The following NRAS variants were observed in gnomAD, a reference collection of about 807,000 sequenced individuals.
The protein encoded by NRAS is GTPase NRas.
Under a neutral mutation model 21.3 loss-of-function variants are expected in NRAS, and 6 were observed. The ratio of observed to expected loss-of-function variants is 0.28; its 90% confidence interval spans 0.15 to 0.56. The LOEUF is 0.56. Among genes scored for constraint, NRAS ranks in the 20% least tolerant of loss-of-function variants. The pLI is 0.93. For missense variants in NRAS, 143 were observed against 231.3 expected (o/e 0.62, Z 2.48); for synonymous variants, 84 against 82.0 (o/e 1.02, Z -0.13).
In NRAS at chr1:114,713,785, T is replaced by C. The variant is rs373417606; in HGVS notation, c.290+15A>G. On this transcript the variant is annotated intron_variant, in intron 3 of 6. Coordinates refer to ENST00000369535, the MANE Select transcript of NRAS (RefSeq NM_002524.5). ...ACAAAGATCATCCTTTCAGAGAAAA[T>C]AATGCTCCTAGTACCTGTAGAGGTT... 3 of 1,602,780 alleles carry C rather than the reference T, an allele frequency of 1.9e-6. No individual in the cohort carries two copies. The highest frequency in any genetic ancestry group is 2.6e-6 in the Non-Finnish European group (3 of 1,169,754).
intron 2 of NRAS, among the ~76,000 whole-genome samples, chr1:114,715,516 CATG>C (rs1469154008): frequency 3.3e-5 from 5 of 152,116 alleles, no homozygotes; most frequent in Non-Finnish European, 7.4e-5. Context: ...TAATTTAAAA[CATG>C]AGGAAAATGA....
At position 114,713,912 on chromosome 1, in the gene NRAS, C is replaced by T. The variant is rs1557982817; in HGVS notation, c.178G>A (p.Gly60Arg). ...CTCATGGCACTGTACTCTTCTTGTC[C>T]AGCTGTATCCAGTATGTCCAACAAA... is the stretch of plus-strand genomic sequence containing the variant. ...TCLLDILDTAGQEEYSAMRDQ... is the reference protein window; with the variant it reads ...TCLLDILDTARQEEYSAMRDQ... Residue 60 changes from glycine to arginine, a missense_variant, in exon 3 of 7, where the codon GGA becomes AGA. Coordinates refer to ENST00000369535, the MANE Select transcript of NRAS (RefSeq NM_002524.5). The T allele has an allele frequency of 6.2e-7, 1 of 1,611,264 alleles. No individual in the cohort carries two copies. The highest frequency in any genetic ancestry group is 8.5e-7 in the Non-Finnish European group (1 of 1,177,926).
Position 114,705,405 on chromosome 1 carries a change from C to T in NRAS, c.*2689G>A, listed in dbSNP as rs1483616122. On this transcript the variant is annotated 3_prime_UTR_variant, in exon 7 of 7. Coordinates refer to ENST00000369535, the MANE Select transcript of NRAS (RefSeq NM_002524.5). The stretch of plus-strand genomic sequence containing the variant: ...CTTCAGACAGAACATCTTATTTTCA[C>T]TCTTGAACATGTAACCTTTAAAAAA... The T allele has an allele frequency of 6.6e-6, 1 of 152,138 alleles. No individual in the cohort carries two copies. The highest frequency in any genetic ancestry group is 2.4e-5 in the African/African-American group (1 of 41,418). The allele number at this position is 152,138 out of a possible 1,614,324, so 9.4% of individuals were successfully genotyped here. A position where few individuals can be genotyped will look rare whatever the true frequency, so the allele number is the denominator to read the frequency against.
chr1:114,710,830 T>C (rs1348440532), intron 3 of NRAS, among the ~76,000 whole-genome samples: 4 of 152,342 alleles, frequency 2.6e-5, no homozygotes, highest in African/African-American at 4.8e-5. Flanking sequence ...GTGAGGCTCC[T>C]GGATTCTCCA....
intron 5 of NRAS, among the ~76,000 whole-genome samples, 152 bp downstream of exon 5, chr1:114,708,379 C>T (rs926527444): frequency 2.0e-5 from 3 of 152,170 alleles, no homozygotes; most frequent in African/African-American, 7.2e-5. Context: ...CTTTAGACCT[C>T]AGTACTTTCA....
intron 2 of NRAS, among the ~76,000 whole-genome samples, chr1:114,715,682 A>G (rs1659145940): frequency 6.6e-6 from 1 of 152,206 alleles, no homozygotes; most frequent in South Asian, 2.1e-4. Flanking sequence ...TAAATATTGA[A>G]GAACACTCAT....
intron 5 of NRAS, 27 bp from the exon 6 acceptor site, chr1:114,708,219 C>A (rs976486773): frequency 5.9e-6 from 2 of 339,078 alleles, no homozygotes; most frequent in African/African-American, 4.2e-5. Flanking sequence ...GAAACCATGT[C>A]CTTATTAACT....
chr1:114,714,106 C>T, intron 2 of NRAS, 128 bp from the exon 3 acceptor site: 1 of 592,604 alleles, frequency 1.7e-6, no homozygotes, highest in Non-Finnish European at 2.9e-6. Context: ...TTCTGCCTAT[C>T]TGGTTTGTCC....
chr1:114,709,827 G>A, intron 3 of NRAS, 99 bp from the exon 4 acceptor site: 3 of 949,170 alleles, frequency 3.2e-6, no homozygotes, highest in African/African-American at 1.6e-5. Context: ...AGGCTGAGGA[G>A]GGCAGACTGC....
intron 2 of NRAS, among the ~76,000 whole-genome samples, 193 bp from the exon 3 acceptor site, chr1:114,714,171 A>G (rs561227900): frequency 6.6e-6 from 1 of 152,320 alleles, no homozygotes; most frequent in Admixed American, 6.5e-5. Context: ...CACCCTACAT[A>G]AAAGAAAACC....
At chr1:114,711,311 A>G (rs1200585390) in intron 3 of NRAS, among the ~76,000 whole-genome samples, 8 of 152,140 alleles carry the variant, frequency 5.3e-5, no homozygotes, top group African/African-American at 1.9e-4. Context: ...TAAAAAACTA[A>G]AACAGGCCGG....
chr1:114,714,006 G>T (rs2101742285), intron 2 of NRAS, 28 bp from the exon 3 acceptor site: 2 of 1,236,106 alleles, frequency 1.6e-6, no homozygotes, highest in South Asian at 1.3e-5. Flanking sequence ...AAGGGGGCAG[G>T]GAGGGAGGGA....
intron 4 of NRAS, among the ~76,000 whole-genome samples, chr1:114,709,303 G>A (rs934369329): frequency 1.3e-5 from 2 of 151,956 alleles, no homozygotes; most frequent in Non-Finnish European, 2.9e-5. Context: ...CGGGCATGAT[G>A]ATGTGCCCGT....
In NRAS at chr1:114,705,879, C is replaced by CT. The variant is rs1658901789; in HGVS notation, c.*2214dup. The CT allele has an allele frequency of 6.6e-6, 1 of 152,216 alleles. No homozygotes were observed. The highest frequency in any genetic ancestry group is 1.5e-5 in the Non-Finnish European group (1 of 68,042). The allele number at this position is 152,216 out of a possible 1,614,324, so 9.4% of individuals were successfully genotyped here. On this transcript the variant is annotated 3_prime_UTR_variant, in exon 7 of 7. Coordinates refer to ENST00000369535, the MANE Select transcript of NRAS (RefSeq NM_002524.5). ...GTGCTTAGAACATACTTGGAAAACTCTAAGTACATACATACAAGGGCTATT... is the reference window on the plus strand; with the variant it reads ...GTGCTTAGAACATACTTGGAAAACTCTTAAGTACATACATACAAGGGCTATT...
chr1:114,707,393 G>T lies in NRAS; in HGVS notation c.*701C>A, dbSNP rs1658941867. On this transcript the variant is annotated 3_prime_UTR_variant, in exon 7 of 7. Coordinates refer to ENST00000369535, the MANE Select transcript of NRAS (RefSeq NM_002524.5). ...TCATTTCATGCATAAGGATTTTTGA[G>T]ACATCTATTCCACTGAAATATTATA... The T allele has an allele frequency of 6.6e-6, 1 of 152,556 alleles. No homozygotes were observed. The highest frequency in any genetic ancestry group is 6.5e-5 in the Admixed American group (1 of 15,270). The allele number at this position is 152,556 out of a possible 1,614,324, so 9.5% of individuals were successfully genotyped here.
At chr1:114,711,710 G>A (rs1659051531) in intron 3 of NRAS, among the ~76,000 whole-genome samples, 1 of 151,926 alleles carries the variant, frequency 6.6e-6, no homozygotes, top group African/African-American at 2.4e-5. Context: ...TCTTAGTAAA[G>A]GGAGGCTGAA....
rs1457248724 is a variant in NRAS at position 114,706,523 on chromosome 1, T to C, written c.*1571A>G. ...TTGTTTTAAACCCTTCAAAGAACAT[T>C]ATGAATAAAGAGAATTTAAAACGTT... On this transcript the variant is annotated 3_prime_UTR_variant, in exon 7 of 7. Transcript: ENST00000369535. 1 of 152,164 alleles carries C rather than the reference T, an allele frequency of 6.6e-6. No individual in the cohort carries two copies. Among genetic ancestry groups the C allele is most frequent in the Non-Finnish European group, 1.5e-5 (1 of 68,032 alleles). 9.4% of individuals were successfully genotyped at this position (152,164 alleles called of 1,614,324 possible).
rs1346848266 is a variant in NRAS at position 114,707,976 on chromosome 1, G to A, written c.*118C>T. The A allele has an allele frequency of 1.3e-5, 2 of 159,684 alleles. No individual in the cohort carries two copies. Among genetic ancestry groups the A allele is most frequent in the Non-Finnish European group, 2.8e-5 (2 of 72,290 alleles). The allele number at this position is 159,684 out of a possible 1,614,324, so 9.9% of individuals were successfully genotyped here. ...ACTGAGAGCTGGGGAAGTAGCAGGAGCTTCTCTGTGAGACTGAAGACAGCA... is the reference window on the plus strand; with the variant it reads ...ACTGAGAGCTGGGGAAGTAGCAGGAACTTCTCTGTGAGACTGAAGACAGCA... On this transcript the variant is annotated 3_prime_UTR_variant, in exon 7 of 7. Coordinates refer to ENST00000369535, the MANE Select transcript of NRAS (RefSeq NM_002524.5).
chr1:114,715,736 G>A (rs1435570144), intron 2 of NRAS, among the ~76,000 whole-genome samples: 2 of 152,100 alleles, frequency 1.3e-5, no homozygotes, highest in Non-Finnish European at 2.9e-5. Flanking sequence ...CATACAATCA[G>A]ACAGTCTCGC....
Sources: allele counts gnomAD v4.1 joint callset (sites outside exome capture counted in the v4.1 genomes callset), GRCh38; gene constraint gnomAD v4.1.1; transcripts MANE v1.5; gene names NCBI Gene and HGNC (gene_info 2026-07-23, HGNC 2026-07-21).